TRPM3: variants seen among roughly 807,000 people sequenced by gnomAD.
TRPM3 encodes the protein transient receptor potential cation channel subfamily M member 3.
A neutral mutation model predicts 181.2 loss-of-function variants in TRPM3; 77 were observed. That is an observed-to-expected ratio of 0.42 (90% confidence interval 0.35 to 0.51). TRPM3 has a LOEUF of 0.51. TRPM3 is among the 20% of genes least tolerant of loss of function. The pLI, the probability that TRPM3 is intolerant of heterozygous loss-of-function variation, is 0.01. For missense variants in TRPM3, 1,759 were observed against 2,196.7 expected (o/e 0.80, Z 3.98); for synonymous variants, 745 against 796.4 (o/e 0.94, Z 1.09).
At chr9:71,080,462 G>A (rs2064128520) in intron 1 of TRPM3, among the ~76,000 whole-genome samples, 1 of 152,116 alleles carries the variant, frequency 6.6e-6, no homozygotes, top group Non-Finnish European at 1.5e-5. Context: ...CTTGTTCTTG[G>A]GCTTTAAAAC....
intron 5 of TRPM3, chr9:70,842,789 G>T: frequency 2.0e-6 from 1 of 502,708 alleles, no homozygotes; most frequent in Non-Finnish European, 3.4e-6. Context: ...TCTTACTTTG[G>T]ACCTTTCTTG....
intron 1 of TRPM3, among the ~76,000 whole-genome samples, chr9:70,937,023 G>A (rs918399742): frequency 1.3e-5 from 2 of 152,088 alleles, no homozygotes; most frequent in East Asian, 1.9e-4. Context: ...GTATACTTTT[G>A]TTCAACATTA....
chr9:71,203,401 C>T (rs773964975), intron 1 of TRPM3, among the ~76,000 whole-genome samples: 1 of 152,124 alleles, frequency 6.6e-6, no homozygotes, highest in Non-Finnish European at 1.5e-5. Flanking sequence ...GTAAGCAAAT[C>T]CACTGTGCTT....
At chr9:71,168,147 T>C (rs915200997) in intron 1 of TRPM3, among the ~76,000 whole-genome samples, 67 of 152,298 alleles carry the variant, frequency 4.4e-4, no homozygotes, top group African/African-American at 1.5e-3. Context: ...ATTTGCATGA[T>C]AATCTTGCCA....
intron 1 of TRPM3, among the ~76,000 whole-genome samples, chr9:70,902,692 C>T (rs2096403645): frequency 6.6e-6 from 1 of 152,220 alleles, no homozygotes; most frequent in African/African-American, 2.4e-5. Flanking sequence ...TATCCAGTCC[C>T]AGGCACTGCA....
chr9:71,133,654 T>C (rs565619677), intron 1 of TRPM3, among the ~76,000 whole-genome samples: 6 of 152,220 alleles, frequency 3.9e-5, no homozygotes, highest in Non-Finnish European at 8.8e-5. Flanking sequence ...GTTCTTTTTA[T>C]ATTAAGGACA....
intron 1 of TRPM3, among the ~76,000 whole-genome samples, chr9:71,338,808 G>C (rs1014017365): frequency 6.6e-6 from 1 of 152,148 alleles, no homozygotes; most frequent in African/African-American, 2.4e-5. Context: ...TTACTTGATA[G>C]AGAAACATTA....
At chr9:71,012,636 C>T (rs1021506164) in intron 1 of TRPM3, among the ~76,000 whole-genome samples, 1 of 151,766 alleles carries the variant, frequency 6.6e-6, no homozygotes, top group Admixed American at 6.6e-5. Flanking sequence ...TAAAGTTTTC[C>T]TCATACAGAG....
At chr9:70,666,614 A>G (rs1299288822) in intron 9 of TRPM3, among the ~76,000 whole-genome samples, 1 of 152,170 alleles carries the variant, frequency 6.6e-6, no homozygotes, top group Non-Finnish European at 1.5e-5. Flanking sequence ...AGTCCAAAGC[A>G]TTCTAGCTCC....
chr9:70,853,152 T>C (rs151044605), intron 3 of TRPM3, among the ~76,000 whole-genome samples: 1 of 152,238 alleles, frequency 6.6e-6, no homozygotes, highest in Non-Finnish European at 1.5e-5. Context: ...CATGGGACTC[T>C]TCAAAAGAAT....
At chr9:70,815,074 T>C (rs1342883294) in intron 6 of TRPM3, among the ~76,000 whole-genome samples, 2 of 152,160 alleles carry the variant, frequency 1.3e-5, no homozygotes, top group African/African-American at 2.4e-5. Flanking sequence ...AATGTTCACC[T>C]GTGTCCTTTC....
chr9:70,671,330 G>C (rs2062875359), intron 9 of TRPM3, among the ~76,000 whole-genome samples: 1 of 152,084 alleles, frequency 6.6e-6, no homozygotes, highest in Non-Finnish European at 1.5e-5. Context: ...CCACATGCAG[G>C]GACTGTGGGT....
intron 1 of TRPM3, among the ~76,000 whole-genome samples, chr9:71,070,852 A>T (rs182338154): frequency 5.1e-4 from 78 of 152,326 alleles, no homozygotes; most frequent in African/African-American, 1.8e-3. Context: ...TTTTCAACAC[A>T]ACTGATGGGC....
intron 1 of TRPM3, among the ~76,000 whole-genome samples, chr9:70,896,634 A>G (rs1001069774): frequency 6.6e-6 from 1 of 152,204 alleles, no homozygotes. Context: ...ATAACAAAAG[A>G]AACAAAAACT....
At chr9:70,961,873 G>A (rs2097139631) in intron 1 of TRPM3, among the ~76,000 whole-genome samples, 2 of 152,136 alleles carry the variant, frequency 1.3e-5, no homozygotes, top group South Asian at 2.1e-4. Flanking sequence ...TGCTCAAGTA[G>A]ACTCTCTTTT....
intron 3 of TRPM3, among the ~76,000 whole-genome samples, chr9:70,850,809 C>T (rs2132155293): frequency 6.6e-6 from 1 of 152,198 alleles, no homozygotes; most frequent in South Asian, 2.1e-4. Flanking sequence ...ACCAAGAATG[C>T]TTTAGTGTGA....
intron 1 of TRPM3, among the ~76,000 whole-genome samples, chr9:71,018,225 C>CA (rs150406662): frequency 8.1e-4 from 120 of 147,942 alleles, no homozygotes; most frequent in Middle Eastern, 3.4e-3. Flanking sequence ...ATTAGAAAAG[C>CA]AAAAAAAATG....
intron 1 of TRPM3, among the ~76,000 whole-genome samples, chr9:71,176,016 A>T (rs1587792070): frequency 6.6e-6 from 1 of 152,274 alleles, no homozygotes; most frequent in East Asian, 1.9e-4. Flanking sequence ...AAACAGACCT[A>T]CTATGCTGCC....
intron 1 of TRPM3, among the ~76,000 whole-genome samples, chr9:70,911,829 G>A (rs1460115996): frequency 3.9e-5 from 6 of 152,128 alleles, no homozygotes; most frequent in Non-Finnish European, 8.8e-5. Context: ...CATTACAACA[G>A]CATCCTTCTA....
Sources: gnomAD v4.1 joint callset for allele counts (sites outside exome capture counted in the v4.1 genomes callset) on GRCh38, gnomAD v4.1.1 for gene constraint, MANE v1.5 for transcripts, NCBI Gene and HGNC (gene_info 2026-07-23, HGNC 2026-07-21) for gene names.